The following CTNNA3 variants were observed in gnomAD, a reference collection of about 807,000 sequenced individuals.
CTNNA3 encodes the protein catenin alpha 3.
In CTNNA3, 76 loss-of-function variants were observed where a neutral mutation model predicts 95.7. The observed-to-expected ratio is 0.79, with a 90% CI of 0.66 to 0.96. The LOEUF (loss-of-function observed/expected upper bound fraction) is 0.96. CTNNA3 is among the 40% of genes least tolerant of loss of function. The pLI is 0.00. For missense variants in CTNNA3, 1,191 were observed against 1,089.8 expected (o/e 1.09, Z -1.31); for synonymous variants, 431 against 374.4 (o/e 1.15, Z -1.74).
At chr10:67,296,710 G>C (rs1018646068) in intron 5 of CTNNA3, among the ~76,000 whole-genome samples, 4 of 151,904 alleles carry the variant, frequency 2.6e-5, no homozygotes, top group African/African-American at 9.7e-5. Flanking sequence ...GAGGCAGGAA[G>C]AACACCTGAG....
At chr10:67,683,264 G>A (rs989749853) in intron 1 of CTNNA3, among the ~76,000 whole-genome samples, 3 of 152,196 alleles carry the variant, frequency 2.0e-5, no homozygotes, top group African/African-American at 7.2e-5. Context: ...GTGAATCTCA[G>A]AGAAGTTGGT....
intron 5 of CTNNA3, among the ~76,000 whole-genome samples, chr10:67,416,630 A>C (rs1329511596): frequency 6.7e-6 from 1 of 150,252 alleles, no homozygotes; most frequent in Non-Finnish European, 1.5e-5. Context: ...AAAAAAAAAA[A>C]ACAAGTGGAC....
At chr10:67,688,706 G>C (rs1840783894) in intron 1 of CTNNA3, among the ~76,000 whole-genome samples, 1 of 152,150 alleles carries the variant, frequency 6.6e-6, no homozygotes, top group Non-Finnish European at 1.5e-5. Flanking sequence ...TGATGCCTGA[G>C]TGTTTCCCAT....
At chr10:67,760,327 A>G (rs1841455857) in intron 1 of CTNNA3, among the ~76,000 whole-genome samples, 1 of 152,182 alleles carries the variant, frequency 6.6e-6, no homozygotes, top group African/African-American at 2.4e-5. Flanking sequence ...ACACGTCTCA[A>G]TTTATATGCC....
At chr10:66,986,834 A>G (rs1850754505) in intron 7 of CTNNA3, among the ~76,000 whole-genome samples, 1 of 152,162 alleles carries the variant, frequency 6.6e-6, no homozygotes, top group South Asian at 2.1e-4. Flanking sequence ...TATTAATTTA[A>G]CAGATGTTTA....
At chr10:67,185,419 G>A (rs1862789632) in intron 6 of CTNNA3, among the ~76,000 whole-genome samples, 2 of 151,846 alleles carry the variant, frequency 1.3e-5, no homozygotes. Flanking sequence ...AGCCATCACG[G>A]CCGGCCTTTT....
At chr10:67,593,267 C>A (rs1842839169) in intron 3 of CTNNA3, among the ~76,000 whole-genome samples, 1 of 152,068 alleles carries the variant, frequency 6.6e-6, no homozygotes, top group Admixed American at 6.6e-5. Flanking sequence ...GTAAATAGTG[C>A]TGCAGTGAAC....
chr10:67,220,008 G>A (rs1864578568), intron 5 of CTNNA3, 138 bp from the exon 6 acceptor site: 1 of 651,162 alleles, frequency 1.5e-6, no homozygotes, highest in Admixed American at 3.3e-5. Context: ...ATAATCAAGG[G>A]CATCTATTAT....
chr10:65,978,958 G>A (rs1219247362), intron 16 of CTNNA3, among the ~76,000 whole-genome samples: 1 of 152,148 alleles, frequency 6.6e-6, no homozygotes, highest in Non-Finnish European at 1.5e-5. Context: ...CTGTTATAAT[G>A]TCAGTGGTAG....
At chr10:67,282,337 A>G (rs1839433088) in intron 5 of CTNNA3, among the ~76,000 whole-genome samples, 1 of 152,188 alleles carries the variant, frequency 6.6e-6, no homozygotes, top group Non-Finnish European at 1.5e-5. Context: ...ACAATATAAC[A>G]TCATGATGAA....
At chr10:67,337,844 T>G (rs1159899728) in intron 5 of CTNNA3, among the ~76,000 whole-genome samples, 1 of 152,200 alleles carries the variant, frequency 6.6e-6, no homozygotes, top group Non-Finnish European at 1.5e-5. Flanking sequence ...ATATGCACAG[T>G]GTTTTTGGAT....
chr10:66,494,317 C>G (rs1016300490), intron 11 of CTNNA3, among the ~76,000 whole-genome samples: 1 of 152,094 alleles, frequency 6.6e-6, no homozygotes, highest in Admixed American at 6.5e-5. Flanking sequence ...AAACTTGGTC[C>G]GATTAATCAG....
chr10:67,426,930 G>C (rs1163440541), intron 5 of CTNNA3, among the ~76,000 whole-genome samples: 1 of 152,004 alleles, frequency 6.6e-6, no homozygotes, highest in Admixed American at 6.6e-5. Flanking sequence ...TCAATGTACA[G>C]GAAGAAACAG....
At chr10:66,310,173 T>G (rs1257602316) in intron 12 of CTNNA3, among the ~76,000 whole-genome samples, 1 of 151,786 alleles carries the variant, frequency 6.6e-6, no homozygotes, top group African/African-American at 2.4e-5. Context: ...TTTTTTAGAA[T>G]AATTTTTACA....
chr10:67,511,131 C>A (rs1340707835), intron 5 of CTNNA3, among the ~76,000 whole-genome samples: 1 of 152,214 alleles, frequency 6.6e-6, no homozygotes, highest in Admixed American at 6.5e-5. Context: ...ATCATGTCAT[C>A]TTCAAACAGG....
intron 7 of CTNNA3, among the ~76,000 whole-genome samples, chr10:66,811,730 G>A (rs201303264): frequency 6.6e-6 from 1 of 152,108 alleles, no homozygotes; most frequent in Non-Finnish European, 1.5e-5. Context: ...GTGCATGATC[G>A]CTTTAATACA....
rs114418209 is a variant in CTNNA3, at chr10:66,680,354, C to T, written c.1282-58570G>A. Among the ~76,000 whole-genome samples the T allele has an allele frequency of 1.6e-3, 243 of 152,042 alleles. 1 individual carries two copies. Among genetic ancestry groups the T allele is most frequent in the African/African-American group, 5.5e-3 (230 of 41,454 alleles). On this transcript the variant is annotated intron_variant, in intron 9 of 17. Transcript: ENST00000433211. Reference sequence around the variant, plus strand: ...CAGTGAGCCTTATTCTTAATCACATCCCCATAGTGAATAAAAAATAATACT... The same window carrying T: ...CAGTGAGCCTTATTCTTAATCACATTCCCATAGTGAATAAAAAATAATACT...
At chr10:67,607,184 G>A (rs574292629) in intron 2 of CTNNA3, 135 bp from the exon 3 acceptor site, 7 of 617,910 alleles carry the variant, frequency 1.1e-5, no homozygotes, top group African/African-American at 1.9e-5. Context: ...CCAACCCACC[G>A]TGCAGTTGAA....
intron 11 of CTNNA3, among the ~76,000 whole-genome samples, chr10:66,501,746 T>G (rs910430988): frequency 2.6e-5 from 4 of 152,258 alleles, no homozygotes; most frequent in African/African-American, 7.2e-5. Context: ...GAATATTCTA[T>G]TGCCTGAGGG....
Sources: allele counts gnomAD v4.1 joint callset (sites outside exome capture counted in the v4.1 genomes callset), GRCh38; gene constraint gnomAD v4.1.1; transcripts MANE v1.5; gene names NCBI Gene and HGNC (gene_info 2026-07-23, HGNC 2026-07-21).